Variants in VOPP1 observed in about 807,000 individuals in gnomAD.
The protein encoded by VOPP1 is VOPP1 WW domain binding protein.
Under a neutral mutation model 23.5 loss-of-function variants are expected in VOPP1, and 8 were observed. The ratio of observed to expected loss-of-function variants is 0.34; its 90% CI spans 0.20 to 0.61. VOPP1 has a LOEUF of 0.61. Ranked by LOEUF, VOPP1 falls within the 20% of genes least tolerant of loss-of-function variation. VOPP1 has a pLI of 0.78. For synonymous variants in VOPP1, 83 were observed against 97.3 expected (o/e 0.85, Z 0.86); for missense variants, 174 against 238.1 (o/e 0.73, Z 1.77).
At position 55,522,822 on chromosome 7, in the gene VOPP1, C is replaced by T. The variant is rs139351586; in HGVS notation, c.55-1692G>A. ...TAAGGACAGGCTCTGGCCTCCATAG[C>T]GCCCTTTTCTGCAATTCCTCTTGGT... On this transcript the variant is annotated intron_variant, in intron 1 of 4. Coordinates refer to ENST00000285279, the MANE Select transcript of VOPP1 (RefSeq NM_030796.5). Among the ~76,000 whole-genome samples the T allele has an allele frequency of 8.6e-3, 1,305 of 152,326 alleles. 19 individuals carry two copies. Among genetic ancestry groups the T allele is most frequent in the African/African-American group, 0.03 (1,250 of 41,562 alleles).
At chr7:55,547,935 T>C (rs1490801973) in intron 1 of VOPP1, among the ~76,000 whole-genome samples, 2 of 152,048 alleles carry the variant, frequency 1.3e-5, no homozygotes, top group African/African-American at 2.4e-5. Flanking sequence ...TCTTCCAACT[T>C]CTCTTAAAAG....
intron 1 of VOPP1, among the ~76,000 whole-genome samples, chr7:55,561,357 C>G (rs920919398): frequency 6.6e-6 from 1 of 152,138 alleles, no homozygotes; most frequent in Non-Finnish European, 1.5e-5. Context: ...AGCCCATCCC[C>G]CTCACTGTGC....
intron 4 of VOPP1, among the ~76,000 whole-genome samples, chr7:55,446,688 T>G (rs1428410886): frequency 1.3e-5 from 2 of 152,152 alleles, no homozygotes; most frequent in Admixed American, 6.5e-5. Flanking sequence ...TATATCAGAG[T>G]TGAAGTAACT....
intron 1 of VOPP1, among the ~76,000 whole-genome samples, chr7:55,552,320 T>A (rs925308124): frequency 1.3e-5 from 2 of 152,200 alleles, no homozygotes; most frequent in African/African-American, 4.8e-5. Flanking sequence ...ATGCCTCTCC[T>A]CCCAAGAAGC....
chr7:55,467,135 G>A (rs1381812014), downstream of VOPP1, among the ~76,000 whole-genome samples: 1 of 152,212 alleles, frequency 6.6e-6, no homozygotes, highest in South Asian at 2.1e-4. Flanking sequence ...CAGAGCTCAG[G>A]TGGTAACGCT....
intron 2 of VOPP1, among the ~76,000 whole-genome samples, chr7:55,512,632 G>A (rs1795151051): frequency 6.6e-6 from 1 of 152,196 alleles, no homozygotes; most frequent in South Asian, 2.1e-4. Flanking sequence ...CAACCCGAAG[G>A]CTGTGCTCCA....
downstream of VOPP1, among the ~76,000 whole-genome samples, chr7:55,435,500 G>T (rs537680544): frequency 1.6e-4 from 25 of 152,284 alleles, no homozygotes; most frequent in Admixed American, 7.8e-4. Context: ...CAAGTCCCTG[G>T]TGCCTGTCAG....
chr7:55,558,443 A>T (rs75924498), intron 1 of VOPP1, among the ~76,000 whole-genome samples: 1 of 152,310 alleles, frequency 6.6e-6, no homozygotes, highest in African/African-American at 2.4e-5. Flanking sequence ...TCCATCAGAC[A>T]ACTAAATGAA....
At chr7:55,540,736 C>A (rs1346138119) in intron 1 of VOPP1, among the ~76,000 whole-genome samples, 1 of 152,202 alleles carries the variant, frequency 6.6e-6, no homozygotes, top group Non-Finnish European at 1.5e-5. Flanking sequence ...CAGGTCTTCA[C>A]CTCCGCTGCG....
intron 1 of VOPP1, among the ~76,000 whole-genome samples, chr7:55,548,505 G>A (rs942186235): frequency 6.6e-6 from 1 of 152,174 alleles, no homozygotes; most frequent in Non-Finnish European, 1.5e-5. Flanking sequence ...CACTTACAGG[G>A]ACCTGCATTC....
At chr7:55,490,426 C>CA (rs1036442929) in intron 4 of VOPP1, among the ~76,000 whole-genome samples, 8 of 152,128 alleles carry the variant, frequency 5.3e-5, no homozygotes, top group African/African-American at 1.9e-4. Flanking sequence ...AAAACCCTGG[C>CA]ATGCCAGGGT....
chr7:55,457,336 G>A (rs139768851), intron 4 of VOPP1, among the ~76,000 whole-genome samples: 28 of 152,222 alleles, frequency 1.8e-4, no homozygotes, highest in African/African-American at 6.5e-4. Context: ...CATTGTGTAA[G>A]TATGTCTCAT....
intron 2 of VOPP1, among the ~76,000 whole-genome samples, chr7:55,499,803 A>C (rs1344796570): frequency 1.3e-5 from 2 of 152,138 alleles, no homozygotes; most frequent in Non-Finnish European, 2.9e-5. Context: ...AGATGAGTGC[A>C]GGAGCACAGG....
chr7:55,478,476 GAA>G (rs1240516327), intron 4 of VOPP1, among the ~76,000 whole-genome samples: 2 of 152,136 alleles, frequency 1.3e-5, no homozygotes, highest in African/African-American at 4.8e-5. Flanking sequence ...TGTGCACAGA[GAA>G]TAAAGAAGAT....
In VOPP1 at chr7:55,491,159, T is replaced by A. The variant is rs1172488591; in HGVS notation, c.328+1123A>T. Among the ~76,000 whole-genome samples, 3 of 152,218 alleles carry A rather than the reference T, an allele frequency of 2.0e-5. No individual in the cohort carries two copies. In the South Asian group the frequency reaches 6.2e-4, roughly 32 times the overall value. On this transcript the variant is annotated intron_variant, in intron 4 of 4. Transcript: ENST00000285279. Reference sequence around the variant, plus strand: ...TCCAGAAAACCATAGCCATGCTCTATTCCATAAACATCTCTATTACCTACA... The same window carrying A: ...TCCAGAAAACCATAGCCATGCTCTAATCCATAAACATCTCTATTACCTACA...
chr7:55,504,297 A>C (rs1204827866), intron 2 of VOPP1, among the ~76,000 whole-genome samples: 1 of 152,224 alleles, frequency 6.6e-6, no homozygotes, highest in African/African-American at 2.4e-5. Flanking sequence ...TACTTGAAGG[A>C]GGCTTCCCAA....
chr7:55,544,014 A>C (rs1300129805), intron 1 of VOPP1, among the ~76,000 whole-genome samples: 1 of 152,178 alleles, frequency 6.6e-6, no homozygotes, highest in Non-Finnish European at 1.5e-5. Context: ...ATTTCCCCAA[A>C]GTTTTATTTT....
intron 4 of VOPP1, among the ~76,000 whole-genome samples, chr7:55,450,481 T>C (rs1160426045): frequency 6.6e-6 from 1 of 152,224 alleles, no homozygotes; most frequent in Non-Finnish European, 1.5e-5. Flanking sequence ...GTGCATTGAG[T>C]ATGTGTTATA....
rs1222999769 is a variant in VOPP1 at position 55,436,651 on chromosome 7, T to TGG, written n.418-478_418-477insCC. Among the ~76,000 whole-genome samples the TGG allele has an allele frequency of 2.7e-3, 405 of 150,958 alleles. 3 individuals carry two copies. The highest frequency in any genetic ancestry group is 0.01 in the Middle Eastern group (3 of 290). On this transcript the variant is annotated intron_variant and non_coding_transcript_variant, in intron 4 of 4. Transcript: ENST00000462326. ...GTGTGCGTGTGTGTGCGTGCGTGGG[T>TGG]GTGTGTGCGTGTGTGCGTGCGTGTG...
Sources: gnomAD v4.1 joint callset for allele counts (sites outside exome capture counted in the v4.1 genomes callset) on GRCh38, gnomAD v4.1.1 for gene constraint, MANE v1.5 for transcripts, NCBI Gene and HGNC (gene_info 2026-07-23, HGNC 2026-07-21) for gene names.